Variants in EIF4ENIF1 observed in about 807,000 individuals in gnomAD.
EIF4ENIF1 encodes the protein eukaryotic translation initiation factor 4E transporter.
EIF4ENIF1 carries 23 observed loss-of-function variants against 110.5 expected under a neutral mutation model. The observed-to-expected ratio is 0.21, with a 90% CI of 0.15 to 0.29. The LOEUF is 0.29. EIF4ENIF1 is among the 10% of genes least tolerant of loss of function. EIF4ENIF1 has a pLI of 1.00. For synonymous variants in EIF4ENIF1, 440 were observed against 437.0 expected (o/e 1.01, Z -0.09); for missense variants, 1,031 against 1,221.1 (o/e 0.84, Z 2.32).
chr22:31,448,262 C>T (rs1361068733), intron 12 of EIF4ENIF1, 30 bp from the exon 13 acceptor site: 4 of 1,607,870 alleles, frequency 2.5e-6, no homozygotes, highest in Non-Finnish European at 3.4e-6. Context: ...CAGTGAGTAC[C>T]AAGATGGTAT....
rs1319101462 is a variant in EIF4ENIF1, at chr22:31,464,690, AAAAAAAAAAATAT to A, written c.299-736_299-724del. On this transcript the variant is annotated intron_variant, in intron 4 of 18. Transcript: ENST00000330125. ...GATTCAGTCTCAAAAAAAAAAAAAAAAAAAAAAAAATATATATATATATATATATATATATAAA... is the reference window on the plus strand; with the variant it reads ...GATTCAGTCTCAAAAAAAAAAAAAAAATATATATATATATATATATATAAA... Among the ~76,000 whole-genome samples, 150 of 77,496 alleles carry A rather than the reference AAAAAAAAAAATAT, an allele frequency of 1.9e-3. 5 individuals are homozygous for A. Among genetic ancestry groups the A allele is most frequent in the Admixed American group, 0.012 (86 of 7,002 alleles). The allele number at this position is 77,496 out of a possible 152,430, so 50.8% of individuals were successfully genotyped here.
At chr22:31,468,150 C>T (rs200422954) in intron 4 of EIF4ENIF1, 25 bp downstream of exon 4, 3 of 1,609,386 alleles carry the variant, frequency 1.9e-6, no homozygotes, top group Admixed American at 1.7e-5. Flanking sequence ...TCACTAACCC[C>T]ACTTCTGAGT....
chr22:31,472,826 A>T (rs909800996), intron 2 of EIF4ENIF1, among the ~76,000 whole-genome samples: 2 of 152,164 alleles, frequency 1.3e-5, no homozygotes, highest in Admixed American at 6.6e-5. Flanking sequence ...TTTTGGAGAC[A>T]TTTAAAGTCC....
intron 7 of EIF4ENIF1, among the ~76,000 whole-genome samples, chr22:31,457,624 T>C (rs963840746): frequency 6.6e-6 from 1 of 152,188 alleles, no homozygotes; most frequent in Non-Finnish European, 1.5e-5. Flanking sequence ...GAAGCTTAGA[T>C]TTATTCTTTG....
rs778130436 is a variant in EIF4ENIF1, at chr22:31,468,317, A to G, written c.171-15T>C. 2.5e-6 allele frequency: 4 copies of G among 1,614,200 alleles called. No homozygotes were observed. In the South Asian group the frequency reaches 4.4e-5, roughly 18 times the overall value. ...AGACACCATCACTACAGGTCAAAAA[A>G]TACAACTGTTAGCACTTACGCCCAT... On this transcript the variant is annotated splice_polypyrimidine_tract_variant and intron_variant, in intron 3 of 18. Coordinates refer to ENST00000330125, the MANE Select transcript of EIF4ENIF1 (RefSeq NM_019843.4).
chr22:31,471,977 C>T (rs1378077964), intron 2 of EIF4ENIF1, 60 bp from the exon 3 acceptor site: 7 of 1,335,316 alleles, frequency 5.2e-6, no homozygotes, highest in Non-Finnish European at 7.3e-6. Context: ...ACACTTTAAA[C>T]TTCTGTTCTG....
In EIF4ENIF1 at chr22:31,488,719, G is replaced by A. The variant is rs2052140274; in HGVS notation, c.-1C>T. On this transcript the variant is annotated 5_prime_UTR_variant, in exon 2 of 19. Transcript: ENST00000330125. ...TTTCACCCATACTTCTCCTATCCAT[G>A]GCTCCTTGGTCTACAATGCTCTGCA... 6.2e-7 allele frequency: 1 copy of A among 1,613,868 alleles called. No homozygotes were observed. The highest frequency in any genetic ancestry group is 1.3e-5 in the African/African-American group (1 of 74,964).
In EIF4ENIF1 at chr22:31,468,210, T is replaced by C. The variant is rs1230871390; in HGVS notation, c.263A>G (p.Asp88Gly). The change falls in exon 4 of 19, where the codon GAT becomes GGT. Residue 88 changes from aspartate to glycine, a missense_variant. This residue lies in a region of EIF4ENIF1 where 704 missense variants were observed against 879.7 expected (regional missense o/e 0.80). Coordinates refer to ENST00000330125, the MANE Select transcript of EIF4ENIF1 (RefSeq NM_019843.4). ...SPVESLKKEL[D>G]TDRPSLVRRI... The stretch of plus-strand genomic sequence containing the variant: ...GCGCACCAGGGAAGGCCGGTCTGTA[T>C]CCAACTCTTTCTTCAGACTTTCCAC... 2 of 1,614,076 alleles carry C rather than the reference T, an allele frequency of 1.2e-6. No homozygotes were observed. The highest frequency in any genetic ancestry group is 8.5e-7 in the Non-Finnish European group (1 of 1,180,040).
At chr22:31,444,552 C>T in intron 15 of EIF4ENIF1, 54 bp downstream of exon 15, 2 of 1,564,546 alleles carry the variant, frequency 1.3e-6, no homozygotes, top group Non-Finnish European at 1.8e-6. Flanking sequence ...AATCCATGCA[C>T]AACCAAACAG....
At chr22:31,458,781 T>C in intron 6 of EIF4ENIF1, 131 bp from the exon 7 acceptor site, 5 of 752,010 alleles carry the variant, frequency 6.6e-6, no homozygotes, top group Non-Finnish European at 9.7e-6. Flanking sequence ...GTGCAGGTAC[T>C]GTACTTGCAA....
chr22:31,459,272 T>C (rs2050920394), intron 6 of EIF4ENIF1, among the ~76,000 whole-genome samples: 1 of 152,018 alleles, frequency 6.6e-6, no homozygotes, highest in Non-Finnish European at 1.5e-5. Context: ...TAAAGGATAG[T>C]CTTTGCAAGT....
At chr22:31,477,251 C>T (rs2051610170) in intron 2 of EIF4ENIF1, among the ~76,000 whole-genome samples, 1 of 151,142 alleles carries the variant, frequency 6.6e-6, no homozygotes, top group African/African-American at 2.4e-5. Context: ...GTAATCTCAG[C>T]CTCACTTGAG....
At chr22:31,489,431 C>T (rs902044427) in intron 1 of EIF4ENIF1, 3 of 152,042 alleles carry the variant, frequency 2.0e-5, no homozygotes, top group Non-Finnish European at 4.4e-5. Flanking sequence ...GGCCGAATCT[C>T]CCGGCCCGGG....
chr22:31,478,339 C>G (rs984755284), intron 2 of EIF4ENIF1, among the ~76,000 whole-genome samples: 18 of 148,622 alleles, frequency 1.2e-4, no homozygotes, highest in African/African-American at 4.4e-4. Context: ...ATGGTGAAAC[C>G]ACGTCTCTAC....
At position 31,478,515 on chromosome 22, in the gene EIF4ENIF1, C is replaced by CAAAAAA. The variant is rs35883412; in HGVS notation, c.97-6604_97-6599dup. Among the ~76,000 whole-genome samples the CAAAAAA allele has an allele frequency of 7.4e-4, 65 of 87,530 alleles. 1 individual carries two copies. Among genetic ancestry groups the CAAAAAA allele is most frequent in the African/African-American group, 1.1e-3 (22 of 19,612 alleles). The allele number at this position is 87,530 out of a possible 152,430, so 57.4% of individuals were successfully genotyped here. A position where few individuals can be genotyped will look rare whatever the true frequency, so the allele number is the denominator to read the frequency against. On this transcript the variant is annotated intron_variant, in intron 2 of 18. Coordinates refer to ENST00000330125, the MANE Select transcript of EIF4ENIF1 (RefSeq NM_019843.4). ...TGGGTGACAGAGCAAGACTCTGTCT[C>CAAAAAA]AAAAAAAAAAAAAAAAAAAATGCTG...
chr22:31,448,326 A>G, intron 12 of EIF4ENIF1, 94 bp from the exon 13 acceptor site: 2 of 1,234,706 alleles, frequency 1.6e-6, no homozygotes, highest in Middle Eastern at 1.9e-4. Flanking sequence ...GCTGAACGCC[A>G]TCTCTTGGAA....
chr22:31,478,714 G>A (rs1601642416), intron 2 of EIF4ENIF1, among the ~76,000 whole-genome samples: 1 of 151,724 alleles, frequency 6.6e-6, no homozygotes, highest in South Asian at 2.1e-4. Flanking sequence ...CACTTTGGGA[G>A]GCTGAGGCGG....
At chr22:31,485,120 C>G in intron 2 of EIF4ENIF1, among the ~76,000 whole-genome samples, 1 of 152,190 alleles carries the variant, frequency 6.6e-6, no homozygotes, top group South Asian at 2.1e-4. Flanking sequence ...AAGCACTACC[C>G]TAACACTGCC....
At chr22:31,474,994 A>C (rs990745519) in intron 2 of EIF4ENIF1, among the ~76,000 whole-genome samples, 1 of 152,190 alleles carries the variant, frequency 6.6e-6, no homozygotes, top group African/African-American at 2.4e-5. Context: ...CAATCAGCCC[A>C]CAAGAATCAC....
Sources: allele counts gnomAD v4.1 joint callset (sites outside exome capture counted in the v4.1 genomes callset), GRCh38; gene constraint gnomAD v4.1.1; regional missense constraint gnomAD v4.1.1; transcripts MANE v1.5; gene names NCBI Gene and HGNC (gene_info 2026-07-23, HGNC 2026-07-21).